ZNF550: variants seen among roughly 807,000 people sequenced by gnomAD.
ZNF550 encodes the protein zinc finger protein 550.
A neutral mutation model predicts 40.2 loss-of-function variants in ZNF550; 42 were observed. That is an observed-to-expected ratio of 1.05 (90% CI 0.82 to 1.35). The LOEUF is 1.35. Ranked by LOEUF, ZNF550 falls within the 40% of genes most tolerant of loss-of-function variation. ZNF550 has a pLI of 0.00. For missense variants in ZNF550, 549 were observed against 525.2 expected (o/e 1.05, Z -0.44); for synonymous variants, 223 against 198.6 (o/e 1.12, Z -1.03).
chr19:57,556,105 G>A (rs1353428273), intron 2 of ZNF550, 126 bp downstream of exon 2: 16 of 1,248,346 alleles, frequency 1.3e-5, no homozygotes, highest in Non-Finnish European at 1.5e-5. Context: ...GACAAAGGGA[G>A]ACCAGTCAGG....
rs774384778 is a variant in ZNF550 at position 57,543,248 on chromosome 19, A to AATT, written c.*519-8_*519-6dup. The stretch of plus-strand genomic sequence containing the variant: ...TTTCAACCTTAAGCAGTTTTTCTGA[A>AATT]ATTATAAAATTTACTGTGAACATTT... On this transcript the variant is annotated splice_region_variant and splice_polypyrimidine_tract_variant and intron_variant, in intron 4 of 4. Coordinates refer to ENST00000457177, the Ensembl canonical transcript of ZNF550. The AATT allele has an allele frequency of 1.2e-5, 11 of 934,470 alleles. No individual in the cohort carries two copies. In the Admixed American group the frequency reaches 2.5e-4, roughly 21 times the overall value. 57.9% of individuals were successfully genotyped at this position (934,470 alleles called of 1,614,324 possible).
At chr19:57,560,851 C>A (rs1298814422), upstream of ZNF550, among the ~76,000 whole-genome samples, 1 of 152,168 alleles carries the variant, frequency 6.6e-6, no homozygotes, top group Admixed American at 6.5e-5. Flanking sequence ...TTGTTAAGGT[C>A]TCATCAGCCC....
At chr19:57,547,334 G>A (rs532492261) in exon 4 of ZNF550, 23 of 1,613,374 alleles carry the variant, frequency 1.4e-5, no homozygotes, top group Admixed American at 5.0e-5. Context: ...CTATTATGGC[G>A]AATAAAAGTA....
At chr19:57,556,454 G>C in intron 1 of ZNF550, 97 bp from the exon 2 acceptor site, 4 of 1,486,762 alleles carry the variant, frequency 2.7e-6, no homozygotes, top group Non-Finnish European at 1.8e-6. Flanking sequence ...GAGAGATCCA[G>C]GTCTGAATCA....
chr19:57,546,868 A>G (rs1377350814), exon 4 of ZNF550: 6 of 1,445,532 alleles, frequency 4.2e-6, no homozygotes, highest in African/African-American at 2.8e-5. Context: ...GTTTCCTGAC[A>G]TTCTTTGCAT....
intron 4 of ZNF550, chr19:57,546,348 T>TAA (rs747779325): frequency 5.3e-4 from 140 of 265,270 alleles, no homozygotes; most frequent in Non-Finnish European, 6.4e-4. Context: ...GAATGTATGT[T>TAA]AAAAAAAAAA....
exon 4 of ZNF550, chr19:57,546,822 T>G (rs1199720607): frequency 1.4e-6 from 2 of 1,412,392 alleles, no homozygotes; most frequent in Non-Finnish European, 1.8e-6. Context: ...ACTGCTCATG[T>G]GTTAGTTAAG....
intron 4 of ZNF550, chr19:57,544,433 G>A (rs1003455820): frequency 1.6e-5 from 16 of 985,198 alleles, no homozygotes; most frequent in Middle Eastern, 5.2e-4. Flanking sequence ...TTTCTAGAGG[G>A]GTTTCTCCAA....
chr19:57,544,898 G>T (rs2089994688), intron 4 of ZNF550, among the ~76,000 whole-genome samples: 1 of 152,050 alleles, frequency 6.6e-6, no homozygotes, highest in South Asian at 2.1e-4. Context: ...GAGGTGGGTG[G>T]ATCACCTGAG....
chr19:57,559,659 C>T (rs2090153336), exon 1 of ZNF550: 1 of 1,508,086 alleles, frequency 6.6e-7, no homozygotes, highest in Non-Finnish European at 8.9e-7. Flanking sequence ...TGCTCACCTG[C>T]GCTGCGTCCT....
exon 4 of ZNF550, chr19:57,546,752 T>G: frequency 4.5e-6 from 6 of 1,326,228 alleles, no homozygotes; most frequent in Non-Finnish European, 5.8e-6. Context: ...GAGTGAGAAC[T>G]GAGTGGTGAC....
chr19:57,550,411 A>G (rs2123352067), intron 3 of ZNF550, among the ~76,000 whole-genome samples: 1 of 152,370 alleles, frequency 6.6e-6, no homozygotes, highest in Non-Finnish European at 1.5e-5. Flanking sequence ...CAAACAAGGT[A>G]AACAATACAA....
intron 3 of ZNF550, 47 bp from the exon 4 acceptor site, chr19:57,548,040 A>G: frequency 1.3e-6 from 2 of 1,520,944 alleles, no homozygotes; most frequent in Non-Finnish European, 1.8e-6. Context: ...GTGATAAAAT[A>G]TAGAAAAACA....
chr19:57,547,356 G>T, exon 4 of ZNF550: 1 of 1,612,902 alleles, frequency 6.2e-7, no homozygotes, highest in South Asian at 1.1e-5. Flanking sequence ...ACCGGTGGGT[G>T]AAGGCCTTTC....
upstream of ZNF550, among the ~76,000 whole-genome samples, chr19:57,560,023 G>T (rs1451780358): frequency 6.6e-6 from 1 of 152,248 alleles, no homozygotes; most frequent in African/African-American, 2.4e-5. Flanking sequence ...AGCGGAGCAA[G>T]TGTACACACT....
At chr19:57,548,594 G>A (rs144454979) in intron 3 of ZNF550, among the ~76,000 whole-genome samples, 132 of 152,288 alleles carry the variant, frequency 8.7e-4, no homozygotes, top group African/African-American at 3.0e-3. Context: ...TGGCAAGGAT[G>A]TGGAAAAAAG....
In ZNF550 at chr19:57,556,308, C is replaced by T. The variant is rs751174782; in HGVS notation, c.77G>A (p.Trp26Ter). The change falls in exon 2 of 5, where the codon TGG (tryptophan) becomes TAG (stop). Residue 26 changes from tryptophan to a stop codon, truncating the protein, a stop_gained. Transcript: ENST00000457177. LOFTEE classifies it high-confidence loss of function. ...CCTCTGGGCCAGGTCCAGCTGTCTC[C>T]ACTCCTCCCGGGTAAAGGTCACAGC... is the stretch of plus-strand genomic sequence containing the variant. The T allele has an allele frequency of 3.7e-6, 6 of 1,614,160 alleles. No individual in the cohort carries two copies. The highest frequency in any genetic ancestry group is 1.1e-5 in the South Asian group (1 of 91,082).
rs1372904534 is a variant in ZNF550 at position 57,547,727 on chromosome 19, ATGCCCTGGAG to A, written c.507_516del (p.Ser170TyrfsTer23). ...ACATCTGCTGATAACCACTCTTGTA[ATGCCCTGGAG>A]TGCAGACCATCATCTGTCCCCAAAC... On this transcript the variant is annotated frameshift_variant, in exon 4 of 5. Transcript: ENST00000457177. LOFTEE classifies it high-confidence loss of function. The A allele has an allele frequency of 1.2e-5, 20 of 1,614,028 alleles. No individual in the cohort carries two copies. Among genetic ancestry groups the A allele is most frequent in the Non-Finnish European group, 1.7e-5 (20 of 1,180,048 alleles).
At chr19:57,560,531 T>C (rs1329358450), upstream of ZNF550, among the ~76,000 whole-genome samples, 2 of 151,854 alleles carry the variant, frequency 1.3e-5, no homozygotes, top group Non-Finnish European at 2.9e-5. Context: ...TTGAGAAGAG[T>C]GTACTTTTCC....
Sources: allele counts gnomAD v4.1 joint callset (sites outside exome capture counted in the v4.1 genomes callset), GRCh38; gene constraint gnomAD v4.1.1; transcripts MANE v1.5; gene names NCBI Gene and HGNC (gene_info 2026-07-23, HGNC 2026-07-21).